PTPRD: variants seen among roughly 807,000 people sequenced by gnomAD.
PTPRD encodes receptor-type tyrosine-protein phosphatase delta.
PTPRD carries 34 observed loss-of-function variants against 214.5 expected under a neutral mutation model. That is an observed-to-expected ratio of 0.16 (90% confidence interval 0.12 to 0.21). The LOEUF is 0.21. PTPRD is among the 10% of genes least tolerant of loss of function. The pLI, the probability that PTPRD is intolerant of heterozygous loss-of-function variation, is 1.00. For synonymous variants in PTPRD, 1,128 were observed against 845.7 expected (o/e 1.33, Z -5.79); for missense variants, 2,545 against 2,398.7 (o/e 1.06, Z -1.27).
intron 35 of PTPRD, among the ~76,000 whole-genome samples, chr9:8,414,047 G>A (rs2093715324): frequency 6.6e-6 from 1 of 152,098 alleles, no homozygotes; most frequent in Non-Finnish European, 1.5e-5. Flanking sequence ...ATTTTAAAAT[G>A]TATTTGTGGA....
At chr9:9,962,607 A>T (rs1179045986) in intron 4 of PTPRD, among the ~76,000 whole-genome samples, 1 of 152,104 alleles carries the variant, frequency 6.6e-6, no homozygotes, top group East Asian at 1.9e-4. Context: ...ACATTATTTC[A>T]GTTGTCTAAA....
In PTPRD at chr9:9,564,884, G is replaced by GTTTTTTTTTTTTTTTTTT. The variant is rs1191664969; in HGVS notation, c.-237+9830_-237+9847dup. Among the ~76,000 whole-genome samples the GTTTTTTTTTTTTTTTTTT allele has an allele frequency of 4.1e-5, 2 of 48,842 alleles. 1 individual carries two copies. The highest frequency in any genetic ancestry group is 7.6e-5 in the Non-Finnish European group (2 of 26,460). 32.0% of individuals were successfully genotyped at this position (48,842 alleles called of 152,430 possible). A position where few individuals can be genotyped will look rare whatever the true frequency, so the allele number is the denominator to read the frequency against. ...AACAAAAGAGAGACTTGAATCTTCTGTTTTTTTTTTTTTTTTTTTTTTTTT... is the reference window on the plus strand; with the variant it reads ...AACAAAAGAGAGACTTGAATCTTCTGTTTTTTTTTTTTTTTTTTTTTTTTTTTTTTTTTTTTTTTTTTT... On this transcript the variant is annotated intron_variant, in intron 8 of 45. Transcript: ENST00000381196.
intron 12 of PTPRD, among the ~76,000 whole-genome samples, chr9:8,695,441 T>G (rs1389082202): frequency 6.7e-6 from 1 of 149,826 alleles, no homozygotes; most frequent in African/African-American, 2.5e-5. Context: ...AGAATGAGAG[T>G]AGATAAAATC....
At chr9:8,812,871 T>A (rs7855709) in intron 11 of PTPRD, among the ~76,000 whole-genome samples, 1 of 151,762 alleles carries the variant, frequency 6.6e-6, no homozygotes, top group Non-Finnish European at 1.5e-5. Context: ...ATATGTAACA[T>A]AGCCTGATGC....
chr9:9,619,570 A>G (rs1479123954), intron 7 of PTPRD, among the ~76,000 whole-genome samples: 1 of 146,368 alleles, frequency 6.8e-6, no homozygotes, highest in Non-Finnish European at 1.5e-5. Context: ...TAATATGTCT[A>G]GATTAATATA....
At chr9:9,085,043 T>C (rs2099765005) in intron 10 of PTPRD, among the ~76,000 whole-genome samples, 1 of 152,158 alleles carries the variant, frequency 6.6e-6, no homozygotes, top group Non-Finnish European at 1.5e-5. Context: ...CAAAAGGAGA[T>C]ATTGATTATA....
At chr9:10,187,474 G>A (rs1440086871) in intron 3 of PTPRD, among the ~76,000 whole-genome samples, 1 of 152,186 alleles carries the variant, frequency 6.6e-6, no homozygotes, top group Non-Finnish European at 1.5e-5. Flanking sequence ...GGAGTTTAGT[G>A]ATTCTTTCTT....
intron 8 of PTPRD, among the ~76,000 whole-genome samples, chr9:9,495,473 C>G (rs1273928452): frequency 6.6e-6 from 1 of 151,972 alleles, no homozygotes; most frequent in Admixed American, 6.6e-5. Flanking sequence ...TTCCAAAAAC[C>G]CTACAGCCCG....
intron 10 of PTPRD, among the ~76,000 whole-genome samples, chr9:9,024,163 T>C (rs769774604): frequency 4.0e-5 from 6 of 151,808 alleles, no homozygotes; most frequent in Non-Finnish European, 7.4e-5. Context: ...ATATATTTTA[T>C]AAGTTCATTA....
At chr9:9,492,626 C>G (rs2095967435) in intron 8 of PTPRD, among the ~76,000 whole-genome samples, 1 of 151,866 alleles carries the variant, frequency 6.6e-6, no homozygotes, top group Non-Finnish European at 1.5e-5. Context: ...AAACATTCAA[C>G]AAGTTAGAAC....
intron 10 of PTPRD, among the ~76,000 whole-genome samples, chr9:9,032,899 C>T (rs1281455505): frequency 2.0e-5 from 3 of 152,110 alleles, no homozygotes; most frequent in East Asian, 3.9e-4. Flanking sequence ...TTCCAGCCGG[C>T]CTTCTTGTCC....
intron 2 of PTPRD, among the ~76,000 whole-genome samples, chr9:10,426,336 T>A (rs1021127128): frequency 1.3e-5 from 2 of 152,008 alleles, no homozygotes; most frequent in African/African-American, 4.8e-5. Context: ...AATTGAGCCC[T>A]CATTCTTGCT....
intron 3 of PTPRD, among the ~76,000 whole-genome samples, chr9:10,239,020 T>C (rs2099638127): frequency 1.3e-5 from 2 of 151,882 alleles, no homozygotes; most frequent in Non-Finnish European, 2.9e-5. Flanking sequence ...GAATATCCTA[T>C]TGGGCAACAA....
intron 7 of PTPRD, among the ~76,000 whole-genome samples, chr9:9,657,965 T>C (rs2096553150): frequency 6.6e-6 from 1 of 152,214 alleles, no homozygotes; most frequent in South Asian, 2.1e-4. Context: ...TGGAACTCAT[T>C]TGACTTTTAT....
intron 9 of PTPRD, among the ~76,000 whole-genome samples, chr9:9,368,831 G>C (rs2058615245): frequency 6.6e-6 from 1 of 151,856 alleles, no homozygotes; most frequent in Admixed American, 6.6e-5. Flanking sequence ...GTGTACACAT[G>C]TGCCATGTTG....
chr9:9,856,310 G>A (rs543687193), intron 5 of PTPRD, among the ~76,000 whole-genome samples: 2 of 152,106 alleles, frequency 1.3e-5, no homozygotes, highest in South Asian at 4.1e-4. Context: ...TTTACGAAAA[G>A]GCAACATTTG....
intron 3 of PTPRD, among the ~76,000 whole-genome samples, chr9:10,294,049 G>C (rs912343667): frequency 6.6e-6 from 1 of 151,884 alleles, no homozygotes; most frequent in African/African-American, 2.4e-5. Context: ...AAGTGTCCAG[G>C]AATCTACAAA....
chr9:10,304,612 C>G (rs2095993377), intron 3 of PTPRD, among the ~76,000 whole-genome samples: 1 of 151,968 alleles, frequency 6.6e-6, no homozygotes, highest in Admixed American at 6.6e-5. Flanking sequence ...TCCCTATATA[C>G]AAATAATAGA....
chr9:8,808,462 CTTTTTTTTTTT>C (rs34627797), intron 11 of PTPRD, among the ~76,000 whole-genome samples: 1,071 of 98,846 alleles, frequency 0.011, 13 homozygotes, highest in African/African-American at 0.04. Context: ...AGCCCCCCAC[CTTTTTTTTTTT>C]TTTTTTTTTT....
Sources: allele counts gnomAD v4.1 joint callset (sites outside exome capture counted in the v4.1 genomes callset), GRCh38; gene constraint gnomAD v4.1.1; transcripts MANE v1.5; gene names NCBI Gene and HGNC (gene_info 2026-07-23, HGNC 2026-07-21).